Variants in ATXN7 observed in about 807,000 individuals in gnomAD.
ATXN7 encodes ataxin 7.
ATXN7 carries 12 observed loss-of-function variants against 70.5 expected under a neutral mutation model. That is an observed-to-expected ratio of 0.17 (90% CI 0.11 to 0.28). The LOEUF is 0.28. ATXN7 is among the 10% of genes least tolerant of loss of function. The pLI is 1.00. For synonymous variants in ATXN7, 498 were observed against 448.7 expected (o/e 1.11, Z -1.39); for missense variants, 1,256 against 1,131.7 (o/e 1.11, Z -1.58).
rs144599740 is a variant in ATXN7 at position 63,933,069 on chromosome 3, T to C, written c.395-19310T>C. Among the ~76,000 whole-genome samples the C allele has an allele frequency of 4.7e-4, 72 of 152,354 alleles. 2 individuals are homozygous for C. The South Asian group carries it at 9.3e-3, about 20-fold the overall frequency. On this transcript the variant is annotated intron_variant, in intron 4 of 12. Coordinates refer to ENST00000674280, the MANE Select transcript of ATXN7 (RefSeq NM_001377405.1). ...GTGATGCTTTTGTTTGCTTGTTTTG[T>C]AAGTAAACTCAGACAACTTAAGAGT...
chr3:63,998,808 GACCTCT>G lies in ATXN7; in HGVS notation c.2662-639_2662-634del, dbSNP rs2075801081. On this transcript the variant is annotated intron_variant, in intron 12 of 12. Coordinates refer to ENST00000674280, the MANE Select transcript of ATXN7 (RefSeq NM_001377405.1). ...AGAATGCTGCTGTTACAAAAGTAGG[GACCTCT>G]ACTTGCTGTTCCTTGTGGAGCTGCC... is the stretch of plus-strand genomic sequence containing the variant. 5.4e-6 allele frequency: 3 copies of G among 554,250 alleles called. No homozygotes were observed. The South Asian group carries it at 2.3e-4, about 43-fold the overall frequency. The allele number at this position is 554,250 out of a possible 1,614,324, so 34.3% of individuals were successfully genotyped here.
chr3:63,889,732 A>G (rs999504186), intron 1 of ATXN7, among the ~76,000 whole-genome samples: 3 of 152,190 alleles, frequency 2.0e-5, no homozygotes, highest in Non-Finnish European at 2.9e-5. Context: ...TCTGCAGCAC[A>G]TGGCAGTGAA....
At chr3:63,955,400 G>A (rs1461803302) in intron 5 of ATXN7, among the ~76,000 whole-genome samples, 1 of 152,134 alleles carries the variant, frequency 6.6e-6, no homozygotes, top group Non-Finnish European at 1.5e-5. Flanking sequence ...GAGGTTTAGA[G>A]GTGGATGGGG....
intron 5 of ATXN7, among the ~76,000 whole-genome samples, chr3:63,974,244 A>G (rs1000233410): frequency 6.6e-6 from 1 of 152,212 alleles, no homozygotes; most frequent in Non-Finnish European, 1.5e-5. Context: ...ATCGAAAACA[A>G]TCTGGATTTC....
intron 1 of ATXN7, among the ~76,000 whole-genome samples, chr3:63,896,783 A>G (rs1703461235): frequency 6.6e-6 from 1 of 152,230 alleles, no homozygotes; most frequent in Admixed American, 6.5e-5. Context: ...TTTCCTATAA[A>G]GCATTTTTAC....
intron 6 of ATXN7, 138 bp from the exon 7 acceptor site, chr3:63,982,048 A>G: frequency 8.5e-7 from 1 of 1,182,454 alleles, no homozygotes; most frequent in Non-Finnish European, 1.2e-6. Context: ...AACAAAACTC[A>G]TAAGGAGCCT....
intron 4 of ATXN7, among the ~76,000 whole-genome samples, chr3:63,934,308 G>A (rs1469529644): frequency 6.6e-6 from 1 of 152,064 alleles, no homozygotes; most frequent in Non-Finnish European, 1.5e-5. Context: ...ATGATTTGCC[G>A]CTTCTGGGAA....
intron 10 of ATXN7, 136 bp downstream of exon 10, chr3:63,990,510 G>A: frequency 8.1e-7 from 1 of 1,231,532 alleles, no homozygotes; most frequent in Non-Finnish European, 1.1e-6. Context: ...TCAAAACAGG[G>A]TGCCCCAGAG....
intron 1 of ATXN7, chr3:63,864,386 G>A (rs1239855327): frequency 6.6e-6 from 1 of 152,072 alleles, no homozygotes; most frequent in Non-Finnish European, 1.5e-5. Flanking sequence ...ACCGAGGGGG[G>A]CGCGTCGCTG....
chr3:63,942,063 A>G (rs6796317), intron 4 of ATXN7, among the ~76,000 whole-genome samples: 15,891 of 152,248 alleles, frequency 0.1, 1,020 homozygotes, highest in Middle Eastern at 0.16. Flanking sequence ...CAGGAAACCT[A>G]TGAGCAGCGG....
chr3:63,863,590 G>A (rs1470280595), upstream of ATXN7: 5 of 1,197,602 alleles, frequency 4.2e-6, no homozygotes, highest in Admixed American at 8.9e-5. Context: ...AGAGGAGGAA[G>A]GACTCAGGGA....
intron 5 of ATXN7, chr3:63,967,961 T>C: frequency 6.5e-7 from 1 of 1,535,892 alleles, no homozygotes; most frequent in Non-Finnish European, 8.7e-7. Flanking sequence ...GCGCAGGAGC[T>C]GAAAGCTCCA....
intron 5 of ATXN7, chr3:63,967,810 T>G: frequency 4.6e-6 from 7 of 1,510,054 alleles, no homozygotes; most frequent in Non-Finnish European, 5.3e-6. Context: ...AAATGTTACA[T>G]AAGCCCAAAC....
Position 63,890,648 on chromosome 3 carries a change from A to G in ATXN7, c.-110-7751A>G, listed in dbSNP as rs144585510. On this transcript the variant is annotated intron_variant, in intron 1 of 12. Coordinates refer to ENST00000674280, the MANE Select transcript of ATXN7 (RefSeq NM_001377405.1). ...CTTAATATAATGCCTACTACTTAGT[A>G]TACCTTCAATAAATTGTAGCGGTTG... is the stretch of plus-strand genomic sequence containing the variant. Among the ~76,000 whole-genome samples, 1,029 of 152,380 alleles carry G rather than the reference A, an allele frequency of 6.8e-3. 4 individuals carry two copies. Among genetic ancestry groups the G allele is most frequent in the Non-Finnish European group, 0.011 (737 of 68,034 alleles).
chr3:63,946,359 G>A (rs2074862194), intron 4 of ATXN7, among the ~76,000 whole-genome samples: 1 of 152,164 alleles, frequency 6.6e-6, no homozygotes, highest in African/African-American at 2.4e-5. Context: ...GGAATTGTGG[G>A]CCAGGCGCGG....
intron 4 of ATXN7, among the ~76,000 whole-genome samples, chr3:63,937,258 A>G (rs2074679403): frequency 6.6e-6 from 1 of 152,252 alleles, no homozygotes; most frequent in African/African-American, 2.4e-5. Context: ...CCAAAGGCTT[A>G]GTAGGGGAAA....
intron 9 of ATXN7, among the ~76,000 whole-genome samples, chr3:63,988,706 A>G (rs1330981388): frequency 1.3e-5 from 2 of 152,322 alleles, no homozygotes; most frequent in South Asian, 4.1e-4. Flanking sequence ...AATTCTTGCT[A>G]GGGACAAGCC....
At chr3:63,891,704 CTA>C (rs1211940694) in intron 1 of ATXN7, among the ~76,000 whole-genome samples, 2 of 152,172 alleles carry the variant, frequency 1.3e-5, no homozygotes, top group African/African-American at 2.4e-5. Context: ...TTTAGGCAAA[CTA>C]TGTGCTCAGG....
intron 5 of ATXN7, among the ~76,000 whole-genome samples, chr3:63,952,790 A>G (rs780028434): frequency 7.3e-6 from 1 of 136,572 alleles, no homozygotes; most frequent in Admixed American, 7.6e-5. Flanking sequence ...TTGTGAATTC[A>G]GTGGATTTTA....
Sources: allele counts gnomAD v4.1 joint callset (sites outside exome capture counted in the v4.1 genomes callset), GRCh38; gene constraint gnomAD v4.1.1; transcripts MANE v1.5; gene names NCBI Gene and HGNC (gene_info 2026-07-23, HGNC 2026-07-21).